COBLL1: variants seen among roughly 807,000 people sequenced by gnomAD.
The protein encoded by COBLL1 is cordon-bleu protein-like 1.
Under a neutral mutation model 94.8 loss-of-function variants are expected in COBLL1, and 50 were observed. The observed-to-expected ratio is 0.53, with a 90% CI of 0.42 to 0.67. The LOEUF (loss-of-function observed/expected upper bound fraction) is 0.67, where lower values mean the gene tolerates loss of function less well. COBLL1 is among the 30% of genes least tolerant of loss of function. The probability of loss-of-function intolerance (pLI) is 0.00; values close to 1 mark genes in which losing one functional copy is unlikely to be tolerated. For missense variants in COBLL1, 1,362 were observed against 1,348.7 expected, an observed-to-expected ratio of 1.01 and a Z score of -0.15; for synonymous variants, 448 against 473.8, an observed-to-expected ratio of 0.95 and a Z score of 0.71.
chr2:164,664,119 A>C (rs1558901316), intron 2 of COBLL1, among the ~76,000 whole-genome samples: 1 of 152,208 alleles, frequency 6.6e-6, no homozygotes, highest in Non-Finnish European at 1.5e-5. Context: ...TAATGCAGAG[A>C]GGGTAAGGTT....
chr2:164,760,926 C>T (rs965006130), intron 2 of COBLL1, among the ~76,000 whole-genome samples: 4 of 152,008 alleles, frequency 2.6e-5, no homozygotes, highest in Admixed American at 6.6e-5. Context: ...TTGAAACCAC[C>T]GAACTAAAAT....
intron 5 of COBLL1, among the ~76,000 whole-genome samples, chr2:164,726,840 T>C (rs1363541556): frequency 6.6e-6 from 1 of 152,106 alleles, no homozygotes; most frequent in Admixed American, 6.5e-5. Context: ...CATTTTTCCT[T>C]GTATGAGAGT....
chr2:164,727,045 C>A, intron 5 of COBLL1: 1 of 862,894 alleles, frequency 1.2e-6, no homozygotes, highest in South Asian at 1.9e-5. Flanking sequence ...AAATTAGAAG[C>A]TTAATTTCAA....
intron 2 of COBLL1, among the ~76,000 whole-genome samples, chr2:164,808,010 GGGTTTCACCATGTTCACCAGGCT>G (rs1226315656): frequency 6.6e-6 from 1 of 151,928 alleles, no homozygotes; most frequent in Non-Finnish European, 1.5e-5. Context: ...AGTAGAGTTG[GGGTTTCACCATGTTCACCAGGCT>G]GGTCTTAAAC....
intron 2 of COBLL1, among the ~76,000 whole-genome samples, chr2:164,819,334 A>G (rs1351000005): frequency 6.6e-6 from 1 of 152,192 alleles, no homozygotes; most frequent in Admixed American, 6.5e-5. Flanking sequence ...AGAAGAATGG[A>G]CATACAAACA....
chr2:164,801,289 A>C (rs1330024479), intron 2 of COBLL1, among the ~76,000 whole-genome samples: 1 of 150,864 alleles, frequency 6.6e-6, no homozygotes, highest in Non-Finnish European at 1.5e-5. Context: ...AATACAAAAA[A>C]TTAGCCGGGC....
At chr2:164,662,582 A>T (rs1691087763) in intron 2 of COBLL1, among the ~76,000 whole-genome samples, 1 of 152,164 alleles carries the variant, frequency 6.6e-6, no homozygotes, top group Non-Finnish European at 1.5e-5. Context: ...CTCATGTTGA[A>T]ATGTAATGCC....
chr2:164,745,988 C>T (rs1322754331), intron 2 of COBLL1, among the ~76,000 whole-genome samples: 2 of 152,118 alleles, frequency 1.3e-5, no homozygotes, highest in South Asian at 2.1e-4. Context: ...AAAAACTCAT[C>T]AGAAAGTACA....
At chr2:164,689,698 T>C (rs2105416331) in intron 13 of COBLL1, among the ~76,000 whole-genome samples, 1 of 152,280 alleles carries the variant, frequency 6.6e-6, no homozygotes, top group East Asian at 1.9e-4. Context: ...AAAATTGTGG[T>C]ATTTTCTTCA....
chr2:164,825,147 C>G (rs1346655059), intron 2 of COBLL1, among the ~76,000 whole-genome samples: 1 of 152,186 alleles, frequency 6.6e-6, no homozygotes, highest in African/African-American at 2.4e-5. Flanking sequence ...CCTGGTGAAT[C>G]ATAAATGCTC....
intron 2 of COBLL1, among the ~76,000 whole-genome samples, chr2:164,751,875 G>A (rs946135294): frequency 4.6e-5 from 7 of 152,072 alleles, no homozygotes; most frequent in South Asian, 4.1e-4. Context: ...TTGCCCAGAC[G>A]CTCGGTAATT....
chr2:164,687,207 TTC>T lies in COBLL1; in HGVS notation c.3301-1177_3301-1176del, dbSNP rs2105409168. 4 of 441,412 alleles carry T rather than the reference TTC, an allele frequency of 9.1e-6. No individual in the cohort carries two copies. The South Asian group carries it at 1.4e-4, about 16-fold the overall frequency. 27.3% of individuals were successfully genotyped at this position (441,412 alleles called of 1,614,324 possible). On this transcript the variant is annotated intron_variant, in intron 13 of 13. Coordinates refer to ENST00000652658, the MANE Select transcript of COBLL1 (RefSeq NM_001365672.2). ...AGCCAACAAATGACAGGTAATGACTTTCTTTCTTTTTTTTTTTTTTGGAGAGG... is the reference window on the plus strand; with the variant it reads ...AGCCAACAAATGACAGGTAATGACTTTTTCTTTTTTTTTTTTTTGGAGAGG...
chr2:164,673,007 AAAC>A (rs1349330574), intron 1 of COBLL1, among the ~76,000 whole-genome samples: 19 of 152,276 alleles, frequency 1.2e-4, no homozygotes, highest in African/African-American at 4.3e-4. Flanking sequence ...ATTCTAGCAA[AAAC>A]AACAATAATT....
chr2:164,658,014 T>C (rs541491877), intron 2 of COBLL1, among the ~76,000 whole-genome samples: 63 of 151,676 alleles, frequency 4.2e-4, no homozygotes, highest in African/African-American at 1.5e-3. Context: ...AATGCCTGGG[T>C]TTATATCCCG....
chr2:164,782,781 A>C (rs1688777588), intron 2 of COBLL1, among the ~76,000 whole-genome samples: 1 of 152,234 alleles, frequency 6.6e-6, no homozygotes, highest in Non-Finnish European at 1.5e-5. Flanking sequence ...CATAATAGCA[A>C]CTGAAATATA....
intron 2 of COBLL1, among the ~76,000 whole-genome samples, chr2:164,751,721 C>G (rs1278265433): frequency 6.6e-6 from 1 of 152,098 alleles, no homozygotes; most frequent in Non-Finnish European, 1.5e-5. Flanking sequence ...ACCCAAATAA[C>G]TCCCAGTGTT....
chr2:164,797,813 C>T (rs866768247), intron 2 of COBLL1, among the ~76,000 whole-genome samples: 1 of 152,116 alleles, frequency 6.6e-6, no homozygotes, highest in African/African-American at 2.4e-5. Context: ...GAAAGTTAAC[C>T]ATTTCTTTAC....
At chr2:164,816,598 G>C (rs1379172381) in intron 2 of COBLL1, among the ~76,000 whole-genome samples, 3 of 152,152 alleles carry the variant, frequency 2.0e-5, no homozygotes, top group Non-Finnish European at 4.4e-5. Flanking sequence ...ATATTATACT[G>C]TAAGAATCCA....
At chr2:164,713,930 T>A (rs778744683) in intron 7 of COBLL1, among the ~76,000 whole-genome samples, 7 of 152,126 alleles carry the variant, frequency 4.6e-5, no homozygotes, top group Non-Finnish European at 8.8e-5. Context: ...AATAGCATAA[T>A]TTTGTAATAC....
Sources: allele counts gnomAD v4.1 joint callset (sites outside exome capture counted in the v4.1 genomes callset), GRCh38; gene constraint gnomAD v4.1.1; transcripts MANE v1.5; gene names NCBI Gene and HGNC (gene_info 2026-07-23, HGNC 2026-07-21).